DCC: variants seen among roughly 807,000 people sequenced by gnomAD.
DCC encodes the protein DCC netrin 1 receptor.
DCC carries 58 observed loss-of-function variants against 172.5 expected under a neutral mutation model. The observed-to-expected ratio is 0.34, with a 90% CI of 0.27 to 0.42. DCC has a LOEUF of 0.42. DCC is among the 10% of genes least tolerant of loss of function. DCC has a pLI of 1.00. For synonymous variants in DCC, 709 were observed against 644.5 expected (o/e 1.10, Z -1.52); for missense variants, 1,740 against 1,791.0 (o/e 0.97, Z 0.51).
intron 1 of DCC, among the ~76,000 whole-genome samples, chr18:52,369,740 T>C (rs1369693493): frequency 6.6e-6 from 1 of 152,132 alleles, no homozygotes; most frequent in Non-Finnish European, 1.5e-5. Context: ...TACTTGATCC[T>C]CATTGATGAG....
At chr18:52,570,123 C>G (rs896184712) in intron 1 of DCC, among the ~76,000 whole-genome samples, 2 of 152,088 alleles carry the variant, frequency 1.3e-5, no homozygotes, top group Non-Finnish European at 2.9e-5. Context: ...ATTTATTAAG[C>G]GCATTTTATT....
At chr18:53,277,686 T>G (rs1487267651) in intron 12 of DCC, among the ~76,000 whole-genome samples, 12 of 152,106 alleles carry the variant, frequency 7.9e-5, no homozygotes, top group Admixed American at 7.9e-4. Context: ...AGTGATCCTT[T>G]GATCATTTGG....
At chr18:52,442,469 G>A (rs1568172438) in intron 1 of DCC, among the ~76,000 whole-genome samples, 1 of 152,152 alleles carries the variant, frequency 6.6e-6, no homozygotes, top group Non-Finnish European at 1.5e-5. Flanking sequence ...ACCATCTGAT[G>A]TAGTGGATTT....
At chr18:53,394,510 T>C (rs1045617140) in intron 17 of DCC, among the ~76,000 whole-genome samples, 4 of 152,190 alleles carry the variant, frequency 2.6e-5, no homozygotes, top group African/African-American at 9.7e-5. Context: ...TGTTTTTCTA[T>C]TAAAGTATTT....
At chr18:53,512,269 A>G (rs1026109106) in intron 27 of DCC, among the ~76,000 whole-genome samples, 3 of 149,898 alleles carry the variant, frequency 2.0e-5, no homozygotes, top group Non-Finnish European at 4.5e-5. Flanking sequence ...TAGAAGGAAA[A>G]CTAACAAACA....
chr18:52,796,225 G>T (rs184571462), intron 2 of DCC, among the ~76,000 whole-genome samples: 1 of 151,244 alleles, frequency 6.6e-6, no homozygotes, highest in Non-Finnish European at 1.5e-5. Flanking sequence ...TCTTAATTGG[G>T]GAATTCTGCT....
At chr18:53,521,351 T>A (rs945698936) in intron 27 of DCC, among the ~76,000 whole-genome samples, 3 of 152,114 alleles carry the variant, frequency 2.0e-5, no homozygotes, top group Non-Finnish European at 4.4e-5. Context: ...TGCCCTATTG[T>A]AATAATAGGA....
chr18:52,875,238 T>G (rs1311588473), intron 2 of DCC, among the ~76,000 whole-genome samples: 1 of 151,904 alleles, frequency 6.6e-6, no homozygotes, highest in African/African-American at 2.4e-5. Context: ...ACTTTTTTTT[T>G]TTTCTGAAAA....
At chr18:52,496,036 T>G (rs931591421) in intron 1 of DCC, among the ~76,000 whole-genome samples, 1 of 152,112 alleles carries the variant, frequency 6.6e-6, no homozygotes, top group African/African-American at 2.4e-5. Flanking sequence ...TTACATATAT[T>G]ATCTAATTTT....
intron 12 of DCC, among the ~76,000 whole-genome samples, chr18:53,226,513 CTGA>C (rs1474745666): frequency 6.6e-6 from 1 of 152,090 alleles, no homozygotes; most frequent in Non-Finnish European, 1.5e-5. Context: ...GAGAGCACAA[CTGA>C]TACCTCAATA....
chr18:53,312,340 C>CAAAAAAAAAAAAAA (rs1218591102), intron 13 of DCC, among the ~76,000 whole-genome samples: 1 of 17,534 alleles, frequency 5.7e-5, no homozygotes, highest in Admixed American at 1.1e-3. Context: ...GACTCTGTCT[C>CAAAAAAAAAAAAAA]AAAAAAAAAA....
intron 3 of DCC, among the ~76,000 whole-genome samples, chr18:52,922,351 G>A (rs2040139383): frequency 1.3e-5 from 2 of 152,112 alleles, no homozygotes; most frequent in African/African-American, 4.8e-5. Flanking sequence ...CCTGTGTGGA[G>A]TTGGGTCAGG....
chr18:52,858,496 A>G (rs1300824917), intron 2 of DCC, among the ~76,000 whole-genome samples: 1 of 152,190 alleles, frequency 6.6e-6, no homozygotes, highest in Non-Finnish European at 1.5e-5. Context: ...ATATTAAGAC[A>G]TATTACTTTA....
intron 2 of DCC, among the ~76,000 whole-genome samples, chr18:52,855,291 A>C (rs999186432): frequency 6.6e-6 from 1 of 152,198 alleles, no homozygotes; most frequent in Non-Finnish European, 1.5e-5. Flanking sequence ...CAATAATTTG[A>C]TCTGAATGCG....
Position 53,058,995 on chromosome 18 carries a change from TCA to T in DCC, c.986-4307_986-4306del, listed in dbSNP as rs1410567088. On this transcript the variant is annotated intron_variant, in intron 5 of 28. Coordinates refer to ENST00000442544, the MANE Select transcript of DCC (RefSeq NM_005215.4). ...TATAAAGGAAAGAGGTTTAATTGACTCACAGTTCAGCATGGCTGGGGAGGCCT... is the reference window on the plus strand; with the variant it reads ...TATAAAGGAAAGAGGTTTAATTGACTCAGTTCAGCATGGCTGGGGAGGCCT... 2.0e-5 allele frequency among the ~76,000 whole-genome samples: 3 copies of T among 151,984 alleles called. No homozygotes were observed. In the East Asian group the frequency reaches 5.8e-4, roughly 29 times the overall value.
chr18:52,343,616 C>G (rs1216888535), intron 1 of DCC, among the ~76,000 whole-genome samples: 1 of 152,164 alleles, frequency 6.6e-6, no homozygotes, highest in South Asian at 2.1e-4. Flanking sequence ...GCACAGGAAC[C>G]TTATAGAGTC....
At chr18:53,275,020 C>A (rs1305511811) in intron 12 of DCC, among the ~76,000 whole-genome samples, 2 of 152,198 alleles carry the variant, frequency 1.3e-5, no homozygotes, top group South Asian at 4.1e-4. Flanking sequence ...ATCCCAACTA[C>A]ACTGAAAATT....
At chr18:53,418,950 T>G (rs1318835458) in intron 21 of DCC, among the ~76,000 whole-genome samples, 1 of 152,184 alleles carries the variant, frequency 6.6e-6, no homozygotes, top group Admixed American at 6.5e-5. Context: ...ATTCTCCTTT[T>G]TTGCATCACC....
intron 1 of DCC, among the ~76,000 whole-genome samples, chr18:52,426,296 ATTTT>A (rs59755014): frequency 1.4e-5 from 2 of 142,040 alleles, no homozygotes; most frequent in Admixed American, 7.0e-5. Context: ...TAGTGCCAGA[ATTTT>A]TTTTTTTTTT....
Sources: gnomAD v4.1 joint callset for allele counts (sites outside exome capture counted in the v4.1 genomes callset) on GRCh38, gnomAD v4.1.1 for gene constraint, MANE v1.5 for transcripts, NCBI Gene and HGNC (gene_info 2026-07-23, HGNC 2026-07-21) for gene names.